CPEB3: variants seen among roughly 807,000 people sequenced by gnomAD.
The protein encoded by CPEB3 is cytoplasmic polyadenylation element binding protein 3.
A neutral mutation model predicts 67.2 loss-of-function variants in CPEB3; 20 were observed. The ratio of observed to expected loss-of-function variants is 0.30; its 90% CI spans 0.21 to 0.43. The LOEUF is 0.43. Among genes scored for constraint, CPEB3 ranks in the 20% least tolerant of loss-of-function variants. The probability of loss-of-function intolerance (pLI) is 1.00; values close to 1 mark genes in which losing one functional copy is unlikely to be tolerated. For synonymous variants in CPEB3, 376 were observed against 393.1 expected (o/e 0.96, Z 0.51); for missense variants, 746 against 968.6 (o/e 0.77, Z 3.05).
chr10:92,287,588 G>A (rs1842589713), intron 1 of CPEB3, among the ~76,000 whole-genome samples: 1 of 152,098 alleles, frequency 6.6e-6, no homozygotes, highest in Admixed American at 6.6e-5. Context: ...AGAATTATCA[G>A]TTATCTGTTT....
chr10:92,056,088 A>G (rs833382), intron 9 of CPEB3, among the ~76,000 whole-genome samples: 150,274 of 152,272 alleles, frequency 0.99, 74,185 homozygotes, highest in Middle Eastern at 1. Context: ...GTGCTCTCAG[A>G]GGCCTTTCCT....
intron 7 of CPEB3, among the ~76,000 whole-genome samples, chr10:92,105,720 T>TG (rs1844413980): frequency 6.9e-6 from 1 of 145,850 alleles, no homozygotes; most frequent in African/African-American, 2.6e-5. Flanking sequence ...TGTGGGTTTT[T>TG]TTTTTTTTTT....
At chr10:92,095,348 T>C (rs1263657520) in intron 7 of CPEB3, among the ~76,000 whole-genome samples, 1 of 151,060 alleles carries the variant, frequency 6.6e-6, no homozygotes, top group African/African-American at 2.4e-5. Flanking sequence ...GCAGAATTAA[T>C]CAACATAGAT....
intron 8 of CPEB3, among the ~76,000 whole-genome samples, chr10:92,085,167 C>T (rs1006499451): frequency 6.6e-6 from 1 of 152,072 alleles, no homozygotes; most frequent in Non-Finnish European, 1.5e-5. Context: ...GGCATAGAGG[C>T]GAAGGAATCC....
At chr10:92,110,797 C>T (rs1427475723) in intron 7 of CPEB3, among the ~76,000 whole-genome samples, 2 of 152,176 alleles carry the variant, frequency 1.3e-5, no homozygotes, top group African/African-American at 4.8e-5. Context: ...CATTATTTAC[C>T]TCGATTCAGA....
At chr10:92,145,635 CAA>C (rs35889055) in intron 4 of CPEB3, among the ~76,000 whole-genome samples, 21 of 74,676 alleles carry the variant, frequency 2.8e-4, no homozygotes, top group Admixed American at 3.3e-4. Context: ...AACTCAGTCT[CAA>C]AAAAAAAAAA....
chr10:92,076,056 T>C (rs975974191), intron 9 of CPEB3, among the ~76,000 whole-genome samples: 2 of 152,212 alleles, frequency 1.3e-5, no homozygotes, highest in Non-Finnish European at 2.9e-5. Context: ...ATTGCTGCTC[T>C]GCAGGTGGCC....
At chr10:92,259,167 T>C (rs967338606) in intron 1 of CPEB3, among the ~76,000 whole-genome samples, 1 of 151,316 alleles carries the variant, frequency 6.6e-6, no homozygotes, top group Non-Finnish European at 1.5e-5. Context: ...TTCACCATGT[T>C]GGCCAGGCTG....
At chr10:92,207,468 T>C (rs1029372610) in intron 2 of CPEB3, among the ~76,000 whole-genome samples, 3 of 152,244 alleles carry the variant, frequency 2.0e-5, no homozygotes, top group African/African-American at 7.2e-5. Flanking sequence ...ACACTTTGTA[T>C]GTGATATCTT....
At chr10:92,093,762 A>T (rs1843724042) in intron 7 of CPEB3, among the ~76,000 whole-genome samples, 1 of 152,106 alleles carries the variant, frequency 6.6e-6, no homozygotes, top group Non-Finnish European at 1.5e-5. Context: ...TCAGCCTCCC[A>T]AAGTGTTAGG....
intron 6 of CPEB3, chr10:92,118,828 C>A (rs902916473): frequency 6.5e-6 from 5 of 771,956 alleles, no homozygotes; most frequent in Non-Finnish European, 1.2e-5. Flanking sequence ...ACGTCACTAT[C>A]TACAGTTGGT....
chr10:92,185,729 A>G (rs1848657804), intron 3 of CPEB3, among the ~76,000 whole-genome samples: 1 of 152,224 alleles, frequency 6.6e-6, no homozygotes, highest in Non-Finnish European at 1.5e-5. Context: ...CGTTTCAGAA[A>G]GACTTACCAG....
intron 2 of CPEB3, among the ~76,000 whole-genome samples, chr10:92,218,102 AC>A (rs761813167): frequency 3.2e-4 from 48 of 152,120 alleles, no homozygotes; most frequent in Non-Finnish European, 5.7e-4. Context: ...AAAGAGTGAG[AC>A]CCTATCTCAA....
Position 92,239,678 on chromosome 10 carries a change from C to T in CPEB3, c.673G>A (p.Ala225Thr). The T allele has an allele frequency of 1.9e-6, 3 of 1,568,928 alleles. No homozygotes were observed. The highest frequency in any genetic ancestry group is 2.6e-6 in the Non-Finnish European group (3 of 1,160,514). ...GCTGCGGCAGCAGCGGCTGCAACCGCCGAAGACGAGGACGGCTTGCTGGTC... is the reference window on the plus strand; with the variant it reads ...GCTGCGGCAGCAGCGGCTGCAACCGTCGAAGACGAGGACGGCTTGCTGGTC... ...IMTSKPSSSS[A>T]VAAAAAAAAA... The change falls in exon 2 of 10, where the codon GCG becomes ACG. Residue 225 changes from alanine (A) to threonine (T), a missense_variant. This residue lies in a region of CPEB3 where 643 missense variants were observed against 717.5 expected (regional missense o/e 0.90). Coordinates refer to ENST00000265997, the MANE Select transcript of CPEB3 (RefSeq NM_014912.5). The surrounding 1 kb of genome is among the most constrained non-coding windows in gnomAD (Gnocchi z 6.0).
intron 9 of CPEB3, among the ~76,000 whole-genome samples, chr10:92,066,702 T>G (rs1207663577): frequency 6.6e-6 from 1 of 152,192 alleles, no homozygotes; most frequent in Non-Finnish European, 1.5e-5. Context: ...GGTGTCTTTC[T>G]GGTCGCTAAA....
At chr10:92,259,940 G>A (rs1564915272) in intron 1 of CPEB3, among the ~76,000 whole-genome samples, 1 of 152,072 alleles carries the variant, frequency 6.6e-6, no homozygotes, top group Non-Finnish European at 1.5e-5. Flanking sequence ...CATAAACTTA[G>A]GTGACTTACC....
At chr10:92,104,034 C>A (rs1777919156) in intron 7 of CPEB3, among the ~76,000 whole-genome samples, 1 of 152,186 alleles carries the variant, frequency 6.6e-6, no homozygotes, top group Admixed American at 6.6e-5. Flanking sequence ...CGAGTATCAT[C>A]CCCAAAGCAG....
intron 2 of CPEB3, among the ~76,000 whole-genome samples, chr10:92,213,354 T>G (rs1850187649): frequency 6.6e-6 from 1 of 152,192 alleles, no homozygotes; most frequent in Admixed American, 6.5e-5. Flanking sequence ...AATTGTAAAG[T>G]GAAATAAGTT....
intron 4 of CPEB3, among the ~76,000 whole-genome samples, chr10:92,171,683 C>T (rs1028960091): frequency 1.8e-4 from 27 of 151,564 alleles, no homozygotes; most frequent in South Asian, 4.2e-4. Flanking sequence ...GGTGTGATCT[C>T]GGCTCACTGC....
Sources: gnomAD v4.1 joint callset for allele counts (sites outside exome capture counted in the v4.1 genomes callset) on GRCh38, gnomAD v4.1.1 for gene constraint, gnomAD v4.1.1 regional missense constraint, Gnocchi (gnomAD v3.1) non-coding constraint, MANE v1.5 for transcripts, NCBI Gene and HGNC (gene_info 2026-07-23, HGNC 2026-07-21) for gene names.